The following BTAF1 variants were observed in gnomAD, a reference collection of about 807,000 sequenced individuals.
BTAF1 encodes the protein B-TFIID TATA-box binding protein associated factor 1.
A neutral mutation model predicts 227.1 loss-of-function variants in BTAF1; 38 were observed. That is an observed-to-expected ratio of 0.17 (90% confidence interval 0.13 to 0.22). The LOEUF is 0.22. BTAF1 is among the 10% of genes least tolerant of loss of function. The pLI, the probability that BTAF1 is intolerant of heterozygous loss-of-function variation, is 1.00. For synonymous variants in BTAF1, 742 were observed against 751.9 expected (o/e 0.99, Z 0.21); for missense variants, 1,598 against 2,204.0 (o/e 0.73, Z 5.51).
In BTAF1 at chr10:91,978,366, G is replaced by T. The variant is rs372305869; in HGVS notation, c.1651-2088G>T. Among the ~76,000 whole-genome samples the T allele has an allele frequency of 2.0e-5, 3 of 152,162 alleles. No homozygotes were observed. In the South Asian group the frequency reaches 6.2e-4, roughly 32 times the overall value. On this transcript the variant is annotated intron_variant, in intron 14 of 37. Transcript: ENST00000265990. ...TTGCCAGTGTTGGGGTTGAGGGTCG[G>T]GGAACAGAGTTGGTAAATATTTTGG...
chr10:91,932,761 C>G (rs190897979), intron 1 of BTAF1, among the ~76,000 whole-genome samples: 1 of 152,228 alleles, frequency 6.6e-6, no homozygotes, highest in East Asian at 1.9e-4. Flanking sequence ...TGAAGAACTT[C>G]AGCTGAATCC....
chr10:92,016,505 A>AT, intron 33 of BTAF1, 40 bp downstream of exon 33: 1 of 1,488,542 alleles, frequency 6.7e-7, no homozygotes, highest in Non-Finnish European at 9.0e-7. Context: ...TTGAGATGGA[A>AT]TTTCACTCTG....
intron 19 of BTAF1, among the ~76,000 whole-genome samples, chr10:91,987,273 G>T (rs1848465867): frequency 6.6e-6 from 1 of 151,992 alleles, no homozygotes; most frequent in South Asian, 2.1e-4. Flanking sequence ...CATGAGGTCA[G>T]GAGATCAAGA....
At chr10:92,026,342 C>G (rs530809095) in intron 35 of BTAF1, among the ~76,000 whole-genome samples, 4 of 152,074 alleles carry the variant, frequency 2.6e-5, no homozygotes, top group African/African-American at 4.8e-5. Flanking sequence ...TTAGTCCTTA[C>G]CTGATGTTAC....
chr10:91,983,531 G>GTGTGCTGGAGAGGCAGTGATGC (rs1848203177), intron 18 of BTAF1, among the ~76,000 whole-genome samples: 1 of 152,182 alleles, frequency 6.6e-6, no homozygotes, highest in Non-Finnish European at 1.5e-5. Flanking sequence ...GCAGGAGTTG[G>GTGTGCTGGAGAGGCAGTGATGC]TGTGCTGGAG....
chr10:91,939,190 ATTT>A (rs1449038068), intron 2 of BTAF1, among the ~76,000 whole-genome samples: 4 of 152,144 alleles, frequency 2.6e-5, no homozygotes, highest in Admixed American at 2.0e-4. Flanking sequence ...ATTCTTAAGT[ATTT>A]TCTACATTCT....
chr10:92,011,098 A>G lies in BTAF1; in HGVS notation c.4129A>G (p.Asn1377Asp). The G allele has an allele frequency of 1.9e-6, 3 of 1,607,056 alleles. No homozygotes were observed. Among genetic ancestry groups the G allele is most frequent in the Non-Finnish European group, 2.5e-6 (3 of 1,177,478 alleles). Residue 1377 changes from asparagine (N) to aspartate (D), a missense_variant, in exon 29 of 38, where the codon AAT (asparagine) becomes GAT (aspartate). Transcript: ENST00000265990. ...GTTACAGCACCAAGTAAAAAGGCAC[A>G]ATCTAATAGTGGCTTCATATGATGT... ...IRLQHQVKRH[N>D]LIVASYDVVR...
chr10:92,022,107 C>T (rs1340220342), intron 34 of BTAF1, among the ~76,000 whole-genome samples: 2 of 152,106 alleles, frequency 1.3e-5, no homozygotes, highest in Non-Finnish European at 2.9e-5. Flanking sequence ...TCAGAGCAGA[C>T]TTGGGTTATA....
At chr10:92,017,007 T>C (rs1365259532) in intron 33 of BTAF1, among the ~76,000 whole-genome samples, 2 of 152,218 alleles carry the variant, frequency 1.3e-5, no homozygotes, top group Non-Finnish European at 2.9e-5. Context: ...ATAGAGAATC[T>C]TTTGCTTTTT....
intron 23 of BTAF1, 28 bp from the exon 24 acceptor site, chr10:91,996,341 C>A: frequency 1.3e-6 from 2 of 1,592,062 alleles, no homozygotes; most frequent in Non-Finnish European, 1.7e-6. Flanking sequence ...CCTAATAATT[C>A]TAATTGCCAT....
At chr10:91,961,741 C>T (rs1356268823) in intron 11 of BTAF1, among the ~76,000 whole-genome samples, 2 of 152,154 alleles carry the variant, frequency 1.3e-5, no homozygotes, top group African/African-American at 4.8e-5. Context: ...AACCAGTTCT[C>T]AGTGAGATTC....
At position 91,987,971 on chromosome 10, in the gene BTAF1, A is replaced by G. The variant is rs544238384; in HGVS notation, c.2428-1183A>G. 1.4e-4 allele frequency among the ~76,000 whole-genome samples: 22 copies of G among 152,248 alleles called. No individual in the cohort carries two copies. The South Asian group carries it at 3.3e-3, about 23-fold the overall frequency. ...TGTGCTCAAGCTATGATAAACTTCA[A>G]TTCCACAGACAGTGTCCTGTTTTCC... is the stretch of plus-strand genomic sequence containing the variant. On this transcript the variant is annotated intron_variant, in intron 19 of 37. Coordinates refer to ENST00000265990, the MANE Select transcript of BTAF1 (RefSeq NM_003972.3).
intron 22 of BTAF1, among the ~76,000 whole-genome samples, chr10:91,994,059 A>T (rs779091905): frequency 1.3e-5 from 2 of 152,194 alleles, no homozygotes; most frequent in African/African-American, 2.4e-5. Flanking sequence ...CATGCCTGTA[A>T]TCCCAGCACT....
chr10:91,938,738 C>T (rs188019706), intron 2 of BTAF1, among the ~76,000 whole-genome samples: 24 of 152,230 alleles, frequency 1.6e-4, no homozygotes, highest in African/African-American at 5.8e-4. Context: ...GGCACAGCTA[C>T]TCAAGAGACT....
At chr10:92,009,407 A>G (rs1244984148) in intron 28 of BTAF1, among the ~76,000 whole-genome samples, 199 bp downstream of exon 28, 2 of 152,240 alleles carry the variant, frequency 1.3e-5, no homozygotes, top group Non-Finnish European at 2.9e-5. Context: ...ACCATTGTAC[A>G]ATAAGTTGAG....
At chr10:91,986,513 T>C (rs1409171169) in intron 19 of BTAF1, among the ~76,000 whole-genome samples, 1 of 151,424 alleles carries the variant, frequency 6.6e-6, no homozygotes, top group Non-Finnish European at 1.5e-5. Flanking sequence ...GTTGAATTTT[T>C]TTGTTCTCAC....
At chr10:91,932,648 AT>A (rs905936915) in intron 1 of BTAF1, among the ~76,000 whole-genome samples, 1 of 152,234 alleles carries the variant, frequency 6.6e-6, no homozygotes, top group Non-Finnish European at 1.5e-5. Context: ...CCACAAAAAA[AT>A]ATAATAAATA....
chr10:91,967,070 TTGTC>T lies in BTAF1; in HGVS notation c.1650+317_1650+320del, dbSNP rs1457098320. ...CTGTTATATAGTCTTTGCATGCTCT[TTGTC>T]TGTGTGGCTGACAGTTGGGTGGCTG... On this transcript the variant is annotated intron_variant, in intron 14 of 37. Transcript: ENST00000265990. Among the ~76,000 whole-genome samples the T allele has an allele frequency of 6.6e-5, 10 of 152,312 alleles. No individual in the cohort carries two copies. In the South Asian group the frequency reaches 1.5e-3, roughly 22 times the overall value.
At chr10:91,961,907 G>A (rs1365375348) in intron 11 of BTAF1, among the ~76,000 whole-genome samples, 2 of 152,074 alleles carry the variant, frequency 1.3e-5, no homozygotes, top group African/African-American at 4.8e-5. Context: ...ATGAGATATG[G>A]AGGCTAGGAT....
Sources: allele counts gnomAD v4.1 joint callset (sites outside exome capture counted in the v4.1 genomes callset), GRCh38; gene constraint gnomAD v4.1.1; transcripts MANE v1.5; gene names NCBI Gene and HGNC (gene_info 2026-07-23, HGNC 2026-07-21).